KCNMA1: variants seen among roughly 807,000 people sequenced by gnomAD.
KCNMA1 encodes the protein Calcium-activated potassium channel subunit alpha-1.
In KCNMA1, 29 loss-of-function variants were observed where a neutral mutation model predicts 140.0. That is an observed-to-expected ratio of 0.21 (90% CI 0.15 to 0.28). KCNMA1 has a LOEUF of 0.28. Among genes scored for constraint, KCNMA1 ranks in the 10% least tolerant of loss-of-function variants. KCNMA1 has a pLI of 1.00. For missense variants in KCNMA1, 880 were observed against 1,602.2 expected, an observed-to-expected ratio of 0.55 and a Z score of 7.70; for synonymous variants, 612 against 611.9, an observed-to-expected ratio of 1.00 and a Z score of 0.00.
chr10:77,479,856 G>A (rs2098353473), intron 1 of KCNMA1, among the ~76,000 whole-genome samples: 1 of 152,170 alleles, frequency 6.6e-6, no homozygotes, highest in African/African-American at 2.4e-5. Flanking sequence ...TTTCACGTGC[G>A]TCTGTCTCTC....
Position 76,886,759 on chromosome 10 carries a change from T to C in KCNMA1, c.*507A>G, listed in dbSNP as rs772450680. On this transcript the variant is annotated 3_prime_UTR_variant, in exon 28 of 28. Coordinates refer to ENST00000286628, the MANE Select transcript of KCNMA1 (RefSeq NM_001161352.2). ...CGGCCCAGAGACTGGAAACAATCAATATGTTTTCATTGCTGTTTGGTTGCT... is the reference window on the plus strand; with the variant it reads ...CGGCCCAGAGACTGGAAACAATCAACATGTTTTCATTGCTGTTTGGTTGCT... 43 of 1,020,574 alleles carry C rather than the reference T, an allele frequency of 4.2e-5. No homozygotes were observed. Among genetic ancestry groups the C allele is most frequent in the Non-Finnish European group, 4.9e-5 (42 of 850,556 alleles). 63.2% of individuals were successfully genotyped at this position (1,020,574 alleles called of 1,614,324 possible). A position where few individuals can be genotyped will look rare whatever the true frequency, so the allele number is the denominator to read the frequency against.
At chr10:77,260,883 G>C (rs987465993) in intron 2 of KCNMA1, among the ~76,000 whole-genome samples, 2 of 152,182 alleles carry the variant, frequency 1.3e-5, no homozygotes, top group African/African-American at 2.4e-5. Flanking sequence ...CTAGGAATCT[G>C]TGAAAACAGA....
At chr10:77,127,599 A>G (rs2097768873) in intron 5 of KCNMA1, among the ~76,000 whole-genome samples, 1 of 152,148 alleles carries the variant, frequency 6.6e-6, no homozygotes, top group African/African-American at 2.4e-5. Context: ...GAAAGAAGGC[A>G]TGAAGGCAAG....
intron 14 of KCNMA1, among the ~76,000 whole-genome samples, chr10:77,056,382 A>C (rs1311956907): frequency 2.0e-5 from 3 of 151,806 alleles, no homozygotes; most frequent in Non-Finnish European, 4.4e-5. Flanking sequence ...TCCATCTCAA[A>C]TAATAATAAT....
At chr10:77,497,325 A>G (rs184398896) in intron 1 of KCNMA1, among the ~76,000 whole-genome samples, 2 of 152,238 alleles carry the variant, frequency 1.3e-5, no homozygotes, top group African/African-American at 2.4e-5. Flanking sequence ...CTCAGTAGAC[A>G]TGATGGTTCA....
intron 15 of KCNMA1, among the ~76,000 whole-genome samples, chr10:77,028,619 A>G (rs1018751554): frequency 1.3e-5 from 2 of 152,068 alleles, no homozygotes; most frequent in African/African-American, 4.8e-5. Flanking sequence ...GTGATTTTCT[A>G]TTCTCAAAAC....
Position 76,885,617 on chromosome 10 carries a change from T to G in KCNMA1, c.*1649A>C. ...TGTGACATGTTTTCCTCCTCCCTTT[T>G]ACCCCTATTCTATTCGATGGAATTC... On this transcript the variant is annotated 3_prime_UTR_variant, in exon 28 of 28. Coordinates refer to ENST00000286628, the MANE Select transcript of KCNMA1 (RefSeq NM_001161352.2). 1.4e-5 allele frequency: 14 copies of G among 985,402 alleles called. No homozygotes were observed. Among genetic ancestry groups the G allele is most frequent in the Non-Finnish European group, 1.7e-5 (14 of 829,914 alleles). 61.0% of individuals were successfully genotyped at this position (985,402 alleles called of 1,614,324 possible).
At chr10:76,951,362 T>A (rs1565143817) in intron 21 of KCNMA1, among the ~76,000 whole-genome samples, 1 of 152,158 alleles carries the variant, frequency 6.6e-6, no homozygotes, top group Non-Finnish European at 1.5e-5. Flanking sequence ...TATCTGGAAT[T>A]CCCATGCATC....
intron 3 of KCNMA1, among the ~76,000 whole-genome samples, chr10:77,226,213 T>C (rs2051338690): frequency 6.6e-6 from 1 of 152,198 alleles, no homozygotes; most frequent in Non-Finnish European, 1.5e-5. Flanking sequence ...GCAACATTGC[T>C]GGGAGGGTTC....
rs564643058 is a variant in KCNMA1, at chr10:77,076,859, T to A, written c.1593+2622A>T. On this transcript the variant is annotated intron_variant, in intron 13 of 27. Transcript: ENST00000286628. ...CTAGAATATTACTATTACTGGATCATAGGGGATTGAAATGCTTCATATTTC... is the reference window on the plus strand; with the variant it reads ...CTAGAATATTACTATTACTGGATCAAAGGGGATTGAAATGCTTCATATTTC... Among the ~76,000 whole-genome samples the A allele has an allele frequency of 1.1e-4, 16 of 152,296 alleles. No individual in the cohort carries two copies. The East Asian group carries it at 2.9e-3, about 28-fold the overall frequency.
At chr10:76,979,711 C>T (rs754397436) in intron 19 of KCNMA1, 1 of 152,160 alleles carries the variant, frequency 6.6e-6, no homozygotes, top group Non-Finnish European at 1.5e-5. Flanking sequence ...ACTATTGGCT[C>T]ATCCGGAAAT....
intron 1 of KCNMA1, among the ~76,000 whole-genome samples, chr10:77,575,865 C>G (rs966330333): frequency 1.6e-4 from 24 of 152,244 alleles, no homozygotes; most frequent in Admixed American, 1.5e-3. Context: ...CTGGGCCCCA[C>G]CCCCAGAGGG....
At chr10:77,334,572 G>T (rs1441071111) in intron 2 of KCNMA1, among the ~76,000 whole-genome samples, 1 of 152,124 alleles carries the variant, frequency 6.6e-6, no homozygotes, top group Admixed American at 6.5e-5. Flanking sequence ...CCAACTGCCT[G>T]CTGAGTACAA....
chr10:77,143,696 T>C (rs2098230504), intron 5 of KCNMA1, among the ~76,000 whole-genome samples: 1 of 152,110 alleles, frequency 6.6e-6, no homozygotes, highest in Non-Finnish European at 1.5e-5. Context: ...GCTTCTTAGA[T>C]AGGACACAAA....
intron 19 of KCNMA1, chr10:76,973,008 T>TA (rs1354039782): frequency 1.3e-5 from 2 of 152,312 alleles, no homozygotes; most frequent in East Asian, 3.9e-4. Context: ...ATGAGAGGAA[T>TA]AAAAATGGAA....
chr10:76,961,393 C>T (rs185091816), intron 20 of KCNMA1, among the ~76,000 whole-genome samples: 81 of 152,192 alleles, frequency 5.3e-4, no homozygotes, highest in Non-Finnish European at 8.8e-4. Context: ...TTGCTTCTTA[C>T]GGGTTAGCAA....
At chr10:77,625,629 A>G (rs1424339660) in intron 1 of KCNMA1, among the ~76,000 whole-genome samples, 1 of 152,032 alleles carries the variant, frequency 6.6e-6, no homozygotes, top group Non-Finnish European at 1.5e-5. Flanking sequence ...GGCTTATTTC[A>G]TTTGGCTGAT....
intron 1 of KCNMA1, among the ~76,000 whole-genome samples, chr10:77,494,657 C>T (rs1303035258): frequency 1.3e-5 from 2 of 152,176 alleles, no homozygotes; most frequent in Admixed American, 6.5e-5. Flanking sequence ...AGCAGTTTTC[C>T]AGAGAGTGAA....
At chr10:77,631,721 C>T (rs1337575987) in intron 1 of KCNMA1, among the ~76,000 whole-genome samples, 1 of 152,194 alleles carries the variant, frequency 6.6e-6, no homozygotes, top group Non-Finnish European at 1.5e-5. Context: ...ATCCAGGGAA[C>T]AAAATAGCTG....
Sources: allele counts gnomAD v4.1 joint callset (sites outside exome capture counted in the v4.1 genomes callset), GRCh38; gene constraint gnomAD v4.1.1; transcripts MANE v1.5; gene names NCBI Gene and HGNC (gene_info 2026-07-23, HGNC 2026-07-21).